Variants in LSAMP observed in about 807,000 individuals in gnomAD.
LSAMP encodes the protein limbic system associated membrane protein.
LSAMP carries 7 observed loss-of-function variants against 38.6 expected under a neutral mutation model. The ratio of observed to expected loss-of-function variants is 0.18; its 90% CI spans 0.10 to 0.34. The LOEUF is 0.34. Ranked by LOEUF, LSAMP falls within the 10% of genes least tolerant of loss-of-function variation. The probability of loss-of-function intolerance (pLI) is 1.00; values close to 1 mark genes in which losing one functional copy is unlikely to be tolerated. For missense variants in LSAMP, 313 were observed against 420.0 expected, an observed-to-expected ratio of 0.75 and a Z score of 2.23; for synonymous variants, 154 against 166.8, an observed-to-expected ratio of 0.92 and a Z score of 0.59.
At chr3:116,115,276 G>T (rs993675469) in intron 1 of LSAMP, among the ~76,000 whole-genome samples, 2 of 152,244 alleles carry the variant, frequency 1.3e-5, no homozygotes, top group Non-Finnish European at 2.9e-5. Flanking sequence ...TGCCAGCACA[G>T]CTCAAATATA....
At chr3:115,815,521 C>A (rs1933990001) in intron 6 of LSAMP, among the ~76,000 whole-genome samples, 1 of 152,184 alleles carries the variant, frequency 6.6e-6, no homozygotes, top group Non-Finnish European at 1.5e-5. Context: ...AAGTCAGAAT[C>A]ATCACATCTG....
chr3:116,288,599 CAGA>C (rs2047221852), intron 1 of LSAMP, among the ~76,000 whole-genome samples: 2 of 152,182 alleles, frequency 1.3e-5, no homozygotes, highest in South Asian at 4.1e-4. Context: ...CTCACAAAGT[CAGA>C]AGGTTTCCTG....
intron 4 of LSAMP, among the ~76,000 whole-genome samples, chr3:115,847,756 G>A (rs1437026120): frequency 6.6e-6 from 1 of 152,172 alleles, no homozygotes; most frequent in Non-Finnish European, 1.5e-5. Context: ...ATGATTGTAA[G>A]TTTCCTGAGG....
rs569812209 is a variant in LSAMP, at chr3:116,272,621, T to A, written c.155+172256A>T. Reference sequence around the variant, plus strand: ...TGATTTATGTTGCTGTTATCCATGGTGTTTTCTTGCCTTTGCTTTGTTTTT... The same window carrying A: ...TGATTTATGTTGCTGTTATCCATGGAGTTTTCTTGCCTTTGCTTTGTTTTT... On this transcript the variant is annotated intron_variant, in intron 1 of 6. Coordinates refer to ENST00000490035, the MANE Select transcript of LSAMP (RefSeq NM_002338.5). Among the ~76,000 whole-genome samples the A allele has an allele frequency of 7.9e-5, 12 of 152,254 alleles. No individual in the cohort carries two copies. In the South Asian group the frequency reaches 2.5e-3, roughly 32 times the overall value.
At chr3:116,109,238 T>G (rs1425159930) in intron 1 of LSAMP, among the ~76,000 whole-genome samples, 2 of 151,752 alleles carry the variant, frequency 1.3e-5, no homozygotes, top group Admixed American at 6.6e-5. Flanking sequence ...GCTGGGCAGG[T>G]GGGGGAGGGC....
At chr3:116,218,855 A>G (rs942889752) in intron 1 of LSAMP, among the ~76,000 whole-genome samples, 3 of 152,126 alleles carry the variant, frequency 2.0e-5, no homozygotes, top group Admixed American at 6.6e-5. Context: ...TAGCTTTTCA[A>G]CTTACTCTGA....
rs145308850 is a variant in LSAMP, at chr3:116,332,730, T to C, written c.155+112147A>G. ...TGCATAAAAATACATGATCCAATTA[T>C]ATGCTGCCTACAAGAAACTTACTTT... On this transcript the variant is annotated intron_variant, in intron 1 of 6. Transcript: ENST00000490035. 2.7e-3 allele frequency among the ~76,000 whole-genome samples: 413 copies of C among 152,258 alleles called. 2 individuals are homozygous for C. Among genetic ancestry groups the C allele is most frequent in the African/African-American group, 9.5e-3 (393 of 41,568 alleles).
At chr3:116,415,870 G>A (rs1017365634) in intron 1 of LSAMP, among the ~76,000 whole-genome samples, 1 of 152,122 alleles carries the variant, frequency 6.6e-6, no homozygotes, top group African/African-American at 2.4e-5. Context: ...AAGGCCAGCA[G>A]TGTAGTTAGG....
At chr3:115,830,830 T>C (rs1353924407) in intron 6 of LSAMP, among the ~76,000 whole-genome samples, 1 of 152,178 alleles carries the variant, frequency 6.6e-6, no homozygotes, top group Non-Finnish European at 1.5e-5. Flanking sequence ...TTCAAGAATG[T>C]ATTACTGGGA....
chr3:116,163,355 T>C (rs940762675), intron 1 of LSAMP, among the ~76,000 whole-genome samples: 2 of 151,642 alleles, frequency 1.3e-5, no homozygotes, highest in African/African-American at 4.8e-5. Flanking sequence ...GATAGTTTGC[T>C]GAGAATGATG....
intron 1 of LSAMP, among the ~76,000 whole-genome samples, chr3:116,325,275 G>A (rs537961498): frequency 6.6e-6 from 1 of 152,002 alleles, no homozygotes; most frequent in East Asian, 1.9e-4. Flanking sequence ...TTAGTAGCTG[G>A]AACTACAGGT....
chr3:116,393,199 A>G (rs1188518753), intron 1 of LSAMP, among the ~76,000 whole-genome samples: 2 of 152,098 alleles, frequency 1.3e-5, no homozygotes, highest in Admixed American at 6.5e-5. Context: ...GGGCAAAGAG[A>G]AGGAGAGAAG....
At chr3:116,094,813 T>G (rs528459655) in intron 1 of LSAMP, among the ~76,000 whole-genome samples, 2 of 152,248 alleles carry the variant, frequency 1.3e-5, no homozygotes, top group Admixed American at 1.3e-4. Context: ...ATAAGTCTTT[T>G]AACTTTTCTG....
chr3:116,075,522 T>C (rs1309645668), intron 2 of LSAMP, among the ~76,000 whole-genome samples: 6 of 151,930 alleles, frequency 3.9e-5, no homozygotes. Flanking sequence ...TGCTTTTTTA[T>C]TTTGTTTTTA....
intron 3 of LSAMP, among the ~76,000 whole-genome samples, chr3:115,952,426 A>T (rs1427481168): frequency 1.3e-5 from 2 of 152,236 alleles, no homozygotes; most frequent in Non-Finnish European, 2.9e-5. Flanking sequence ...GGCAACCTGG[A>T]TGGAGTTGGA....
chr3:116,239,350 A>G (rs1195892357), intron 1 of LSAMP, among the ~76,000 whole-genome samples: 1 of 152,180 alleles, frequency 6.6e-6, no homozygotes, highest in Non-Finnish European at 1.5e-5. Flanking sequence ...AGGCTTTGGA[A>G]TTATAATTTC....
chr3:116,353,527 A>G lies in LSAMP; in HGVS notation c.155+91350T>C, dbSNP rs145479609. Among the ~76,000 whole-genome samples the G allele has an allele frequency of 4.1e-3, 630 of 152,192 alleles. 4 individuals carry two copies. The highest frequency in any genetic ancestry group is 5.9e-3 in the Non-Finnish European group (403 of 67,968). ...TCCCACCTAATTTGGGTTCCTCTACATCCTCCTACCCAGATAATCCAGTAC... is the reference window on the plus strand; with the variant it reads ...TCCCACCTAATTTGGGTTCCTCTACGTCCTCCTACCCAGATAATCCAGTAC... On this transcript the variant is annotated intron_variant, in intron 1 of 6. Coordinates refer to ENST00000490035, the MANE Select transcript of LSAMP (RefSeq NM_002338.5).
rs150427199 is a variant in LSAMP at position 115,895,883 on chromosome 3, T to G, written c.515-43266A>C. 2.9e-3 allele frequency among the ~76,000 whole-genome samples: 442 copies of G among 152,250 alleles called. 2 individuals carry two copies. Among genetic ancestry groups the G allele is most frequent in the African/African-American group, 0.01 (424 of 41,566 alleles). On this transcript the variant is annotated intron_variant, in intron 3 of 6. Transcript: ENST00000490035. Reference sequence around the variant, plus strand: ...TAGGGATGAAAATCTTTCTTAAATGTGTCACACATATATTCTTGCCATTTC... The same window carrying G: ...TAGGGATGAAAATCTTTCTTAAATGGGTCACACATATATTCTTGCCATTTC...
At chr3:116,157,458 C>T (rs986403311) in intron 1 of LSAMP, among the ~76,000 whole-genome samples, 1 of 152,054 alleles carries the variant, frequency 6.6e-6, no homozygotes, top group Non-Finnish European at 1.5e-5. Context: ...AAGATCCTTG[C>T]TAATCAGTTC....
Sources: allele counts gnomAD v4.1 joint callset (sites outside exome capture counted in the v4.1 genomes callset), GRCh38; gene constraint gnomAD v4.1.1; transcripts MANE v1.5; gene names NCBI Gene and HGNC (gene_info 2026-07-23, HGNC 2026-07-21).